Variants in ACSL1 observed in about 807,000 individuals in gnomAD.
The protein encoded by ACSL1 is long-chain-fatty-acid--CoA ligase 1.
In ACSL1, 41 loss-of-function variants were observed where a neutral mutation model predicts 98.4. That is an observed-to-expected ratio of 0.42 (90% CI 0.32 to 0.54). The LOEUF is 0.54. Among genes scored for constraint, ACSL1 ranks in the 20% least tolerant of loss-of-function variants. The pLI, the probability that ACSL1 is intolerant of heterozygous loss-of-function variation, is 0.13. For synonymous variants in ACSL1, 316 were observed against 322.7 expected (o/e 0.98, Z 0.22); for missense variants, 734 against 883.1 (o/e 0.83, Z 2.14).
At chr4:184,794,733 TCCCAAACATG>T (rs1224273654) in intron 2 of ACSL1, among the ~76,000 whole-genome samples, 2 of 152,136 alleles carry the variant, frequency 1.3e-5, no homozygotes, top group East Asian at 3.9e-4. Flanking sequence ...CACAGGCAGG[TCCCAAACATG>T]CCCACACCTC....
chr4:184,770,701 TATA>T (rs1362716208), intron 10 of ACSL1, among the ~76,000 whole-genome samples: 2 of 151,888 alleles, frequency 1.3e-5, no homozygotes, highest in Non-Finnish European at 2.9e-5. Flanking sequence ...AAACTTAAAG[TATA>T]ATAATAATAA....
In ACSL1 at chr4:184,776,780, T is replaced by A. The variant is rs1196420966; in HGVS notation, c.577+104A>T. On this transcript the variant is annotated intron_variant, in intron 6 of 20. Coordinates refer to ENST00000281455, the MANE Select transcript of ACSL1 (RefSeq NM_001995.5). The stretch of plus-strand genomic sequence containing the variant: ...TTCTTTGAATAAAAAGGTAGATATA[T>A]ATTTACATGTAAAATCTTTGTCAAA... The A allele has an allele frequency of 6.1e-6, 9 of 1,485,168 alleles. No homozygotes were observed. The African/African-American group carries it at 8.4e-5, about 14-fold the overall frequency. 92.0% of individuals were successfully genotyped at this position (1,485,168 alleles called of 1,614,324 possible).
At chr4:184,768,583 T>A in intron 11 of ACSL1, 133 bp from the exon 12 acceptor site, 1 of 1,316,068 alleles carries the variant, frequency 7.6e-7, no homozygotes, top group Non-Finnish European at 1.0e-6. Context: ...TAAATATAGG[T>A]AACTTAAAAA....
chr4:184,796,071 C>A (rs1273792377), intron 2 of ACSL1, among the ~76,000 whole-genome samples: 1 of 152,206 alleles, frequency 6.6e-6, no homozygotes, highest in African/African-American at 2.4e-5. Flanking sequence ...CTGGGAAAGG[C>A]AGACCCACCC....
chr4:184,794,452 G>A (rs60175581), intron 2 of ACSL1, among the ~76,000 whole-genome samples: 15,378 of 152,160 alleles, frequency 0.1, 953 homozygotes, highest in Non-Finnish European at 0.14. Context: ...CTCACTATTC[G>A]TACTCACTAC....
rs1334280178 is a variant in ACSL1, at chr4:184,792,714, C to A, written c.196-3983G>T. ...TAGGCCTCCCAAAGTATTGGGATGA[C>A]AGGTGTGAGCCACTGCGCCTGGCCC... is the stretch of plus-strand genomic sequence containing the variant. On this transcript the variant is annotated intron_variant, in intron 2 of 20. Transcript: ENST00000281455. Among the ~76,000 whole-genome samples, 3 of 152,154 alleles carry A rather than the reference C, an allele frequency of 2.0e-5. No individual in the cohort carries two copies. The South Asian group carries it at 6.2e-4, about 32-fold the overall frequency.
chr4:184,806,661 T>C (rs1400742610), intron 1 of ACSL1, among the ~76,000 whole-genome samples: 1 of 152,168 alleles, frequency 6.6e-6, no homozygotes, highest in Admixed American at 6.5e-5. Flanking sequence ...CAAGAAAGTT[T>C]ATTAAATCTA....
rs572992632 is a variant in ACSL1 at position 184,762,554 on chromosome 4, AT to A, written c.1522-32del. On this transcript the variant is annotated intron_variant, in intron 16 of 20. Coordinates refer to ENST00000281455, the MANE Select transcript of ACSL1 (RefSeq NM_001995.5). ...GAAAAGAAGATCATCAGTGAACAGC[AT>A]TTACTGGGGTTTTTCCAGAGAAAAC... is the stretch of plus-strand genomic sequence containing the variant. The A allele has an allele frequency of 3.8e-4, 596 of 1,585,212 alleles. No homozygotes were observed. The African/African-American group carries it at 5.0e-3, about 13-fold the overall frequency.
intron 1 of ACSL1, among the ~76,000 whole-genome samples, chr4:184,819,038 G>C (rs184669599): frequency 6.6e-6 from 1 of 152,160 alleles, no homozygotes; most frequent in African/African-American, 2.4e-5. Context: ...GTGAGGAAGG[G>C]GAGAGTCACT....
chr4:184,777,155 A>C (rs866885811), intron 5 of ACSL1, among the ~76,000 whole-genome samples, 172 bp from the exon 6 acceptor site: 4 of 152,234 alleles, frequency 2.6e-5, no homozygotes, highest in Non-Finnish European at 5.9e-5. Flanking sequence ...ATGAGAACAA[A>C]ACACATGCCC....
chr4:184,786,071 C>T (rs1039548120), intron 3 of ACSL1, among the ~76,000 whole-genome samples: 6 of 152,106 alleles, frequency 3.9e-5, no homozygotes, highest in Admixed American at 3.9e-4. Context: ...GTGTCCTGGC[C>T]AGGGCAGTTC....
At chr4:184,826,538 T>C (rs1360916692), upstream of ACSL1, 1 of 152,382 alleles carries the variant, frequency 6.6e-6, no homozygotes, top group East Asian at 1.9e-4. Flanking sequence ...TTCTGTCTGG[T>C]GTCTGCAGAG....
chr4:184,803,367 G>C lies in ACSL1; in HGVS notation c.148C>G (p.Pro50Ala), dbSNP rs1270771486. 6.2e-6 allele frequency: 10 copies of C among 1,612,764 alleles called. No individual in the cohort carries two copies. Among genetic ancestry groups the C allele is most frequent in the Non-Finnish European group, 7.6e-6 (9 of 1,179,396 alleles). Residue 50 changes from proline (P) to alanine (A), a missense_variant, in exon 2 of 21, where the codon CCC becomes GCC. Physicochemically the swap from Pro to Ala is conservative, Grantham distance 27. Coordinates refer to ENST00000281455, the MANE Select transcript of ACSL1 (RefSeq NM_001995.5). The surrounding 1 kb of genome is among the most constrained non-coding windows in gnomAD (Gnocchi z 4.8). ...GAGAGGTCGCATGGCGGCTTCAGGG[G>C]TTTGGGTCTCGTGGCGTACCAGAAG... ...TTFWYATRPK[P>A]LKPPCDLSMQ...
chr4:184,783,576 C>T (rs1180633476), intron 4 of ACSL1, among the ~76,000 whole-genome samples: 3 of 152,348 alleles, frequency 2.0e-5, no homozygotes, highest in South Asian at 2.1e-4. Context: ...TGTATTCCCA[C>T]GTTCCAGCTT....
At chr4:184,768,094 C>A in intron 12 of ACSL1, 1 of 504,076 alleles carries the variant, frequency 2.0e-6, no homozygotes, top group East Asian at 3.4e-5. Flanking sequence ...GTGTTGTGAC[C>A]ATGGTTTACA....
chr4:184,782,843 T>C (rs1434073840), intron 4 of ACSL1, among the ~76,000 whole-genome samples: 1 of 152,154 alleles, frequency 6.6e-6, no homozygotes, highest in African/African-American at 2.4e-5. Flanking sequence ...GGAGAAATCA[T>C]GCACTTCAGT....
rs571555065 is a variant in ACSL1 at position 184,808,469 on chromosome 4, A to G, written c.-32-4923T>C. On this transcript the variant is annotated intron_variant, in intron 1 of 20. Coordinates refer to ENST00000281455, the MANE Select transcript of ACSL1 (RefSeq NM_001995.5). Reference sequence around the variant, plus strand: ...ACATAAATGACACCCTTGCCCCTGCAGTGGCAAATTAAGAAAGCCTGACAT... The same window carrying G: ...ACATAAATGACACCCTTGCCCCTGCGGTGGCAAATTAAGAAAGCCTGACAT... 7 of 985,496 alleles carry G rather than the reference A, an allele frequency of 7.1e-6. No individual in the cohort carries two copies. The African/African-American group carries it at 1.0e-4, about 15-fold the overall frequency. 61.0% of individuals were successfully genotyped at this position (985,496 alleles called of 1,614,324 possible).
rs1388492446 is a variant in ACSL1 at position 184,776,605 on chromosome 4, C to A, written c.635G>T (p.Gly212Val). 1.9e-6 allele frequency: 3 copies of A among 1,613,990 alleles called. No homozygotes were observed. In the African/African-American group the frequency reaches 4.0e-5, roughly 22 times the overall value. Residue 212 changes from glycine (G) to valine (V), a missense_variant, in exon 7 of 21, where the codon GGT (glycine) becomes GTT (valine). By Grantham distance (109) the Gly-to-Val change is moderately radical (BLOSUM62 -3). Transcript: ENST00000281455. Reference protein sequence around the residue: ...KPEKAKLLLEGVENKLIPGLK... With the variant: ...KPEKAKLLLEVVENKLIPGLK... ...GCCTGGTATTAACTTATTTTCTACA[C>A]CCTCTAATAAGAGTTTGGCCTTCTC...
At chr4:184,805,647 G>A in intron 1 of ACSL1, 1 of 326,844 alleles carries the variant, frequency 3.1e-6, no homozygotes, top group African/African-American at 2.2e-5. Flanking sequence ...AGCCTACCAA[G>A]GTCTCTCAGG....
Sources: gnomAD v4.1 joint callset for allele counts (sites outside exome capture counted in the v4.1 genomes callset) on GRCh38, gnomAD v4.1.1 for gene constraint, Gnocchi (gnomAD v3.1) non-coding constraint, MANE v1.5 for transcripts, NCBI Gene and HGNC (gene_info 2026-07-23, HGNC 2026-07-21) for gene names.